FGD6: variants seen among roughly 807,000 people sequenced by gnomAD.
FGD6 encodes the protein FYVE, RhoGEF and PH domain containing 6, also known as FYVE, RhoGEF and PH domain-containing protein 6.
In FGD6, 90 loss-of-function variants were observed where a neutral mutation model predicts 149.4. That is an observed-to-expected ratio of 0.60 (90% CI 0.51 to 0.72). The LOEUF (loss-of-function observed/expected upper bound fraction) is 0.72. FGD6 is among the 30% of genes least tolerant of loss of function. The pLI, the probability that FGD6 is intolerant of heterozygous loss-of-function variation, is 0.00. For synonymous variants in FGD6, 527 were observed against 584.0 expected (o/e 0.90, Z 1.41); for missense variants, 1,437 against 1,684.8 (o/e 0.85, Z 2.57).
In FGD6 at chr12:95,121,812, C is replaced by A. The variant is rs1250483792; in HGVS notation, c.3083-8111G>T. ...CTGGGACGACAGATGTGTGTCACAA[C>A]GCCCAGCTAATTTTTGTACTTTTAG... On this transcript the variant is annotated intron_variant, in intron 8 of 20. Transcript: ENST00000343958. 2.0e-5 allele frequency among the ~76,000 whole-genome samples: 3 copies of A among 151,982 alleles called. No homozygotes were observed. The East Asian group carries it at 5.8e-4, about 29-fold the overall frequency.
At position 95,132,446 on chromosome 12, in the gene FGD6, G is replaced by T. The variant is rs116787940; in HGVS notation, c.3082+2293C>A. Among the ~76,000 whole-genome samples, 111 of 152,278 alleles carry T rather than the reference G, an allele frequency of 7.3e-4. 1 individual carries two copies. The highest frequency in any genetic ancestry group is 2.6e-3 in the African/African-American group (107 of 41,562). ...CTTTTTACTACTTAGAACAGTCGTA[G>T]TGTGTAAAATAAAATAAATAATATG... is the stretch of plus-strand genomic sequence containing the variant. On this transcript the variant is annotated intron_variant, in intron 8 of 20. Coordinates refer to ENST00000343958, the MANE Select transcript of FGD6 (RefSeq NM_018351.4).
In FGD6 at chr12:95,078,675, G is replaced by A. The variant is rs535531131; in HGVS notation, c.*2845C>T. On this transcript the variant is annotated 3_prime_UTR_variant, in exon 21 of 21. Coordinates refer to ENST00000343958, the MANE Select transcript of FGD6 (RefSeq NM_018351.4). ...AAGGGAAAAGAGATTGGAAAGAGTC[G>A]GAAATGTGGATGATGCCAGAGATAA... 81 of 152,266 alleles carry A rather than the reference G, an allele frequency of 5.3e-4. No homozygotes were observed. The highest frequency in any genetic ancestry group is 1.8e-3 in the African/African-American group (75 of 41,554). 9.4% of individuals were successfully genotyped at this position (152,266 alleles called of 1,614,324 possible).
intron 3 of FGD6, among the ~76,000 whole-genome samples, chr12:95,170,702 A>T (rs1304528505): frequency 6.6e-6 from 1 of 152,200 alleles, no homozygotes; most frequent in African/African-American, 2.4e-5. Context: ...TATCTCTAGT[A>T]AATACCAGTG....
intron 3 of FGD6, among the ~76,000 whole-genome samples, chr12:95,162,402 C>T (rs1174462549): frequency 2.0e-5 from 3 of 152,128 alleles, no homozygotes; most frequent in African/African-American, 7.2e-5. Context: ...TGGTGCATAC[C>T]TGTAGTCCCA....
chr12:95,106,203 T>C (rs919993720), intron 13 of FGD6, among the ~76,000 whole-genome samples: 1 of 152,098 alleles, frequency 6.6e-6, no homozygotes, highest in Middle Eastern at 3.4e-3. Context: ...CTCAAGTTAT[T>C]ATCCTGCCTC....
chr12:95,089,545 T>C, intron 18 of FGD6, 24 bp downstream of exon 18: 1 of 1,611,134 alleles, frequency 6.2e-7, no homozygotes, highest in South Asian at 1.1e-5. Flanking sequence ...TCTATCACAT[T>C]GCAAATTTAA....
intron 3 of FGD6, among the ~76,000 whole-genome samples, chr12:95,167,963 A>C (rs919320587): frequency 6.6e-6 from 1 of 152,178 alleles, no homozygotes; most frequent in Non-Finnish European, 1.5e-5. Flanking sequence ...AAGGGGGTCC[A>C]ATGTCATCCT....
chr12:95,147,666 C>T lies in FGD6; in HGVS notation c.2685+5145G>A, dbSNP rs907057511. Among the ~76,000 whole-genome samples, 3 of 152,120 alleles carry T rather than the reference C, an allele frequency of 2.0e-5. No individual in the cohort carries two copies. The East Asian group carries it at 5.8e-4, about 29-fold the overall frequency. ...ACTAAGTACAAGGGCTCAGACAGAC[C>T]AGACTTGAAAGTCTGGTTTTCCTAT... On this transcript the variant is annotated intron_variant, in intron 5 of 20. Coordinates refer to ENST00000343958, the MANE Select transcript of FGD6 (RefSeq NM_018351.4).
chr12:95,104,954 A>C (rs139166559), intron 14 of FGD6, 53 bp downstream of exon 14: 100 of 1,487,366 alleles, frequency 6.7e-5, no homozygotes, highest in Non-Finnish European at 8.4e-5. Flanking sequence ...ATTCCCTAGC[A>C]AGCAGACTCA....
chr12:95,142,922 G>A (rs1461360415), intron 5 of FGD6, among the ~76,000 whole-genome samples: 3 of 151,990 alleles, frequency 2.0e-5, no homozygotes, highest in Non-Finnish European at 4.4e-5. Flanking sequence ...CAATATCACC[G>A]CACCCTATTA....
At chr12:95,090,416 G>T (rs61938190) in intron 17 of FGD6, among the ~76,000 whole-genome samples, 17,810 of 152,130 alleles carry the variant, frequency 0.12, 1,623 homozygotes, top group African/African-American at 0.25. Flanking sequence ...TAAGGAGAAA[G>T]GACTAACAGC....
chr12:95,084,849 C>T (rs1470785850), intron 19 of FGD6, among the ~76,000 whole-genome samples: 4 of 152,256 alleles, frequency 2.6e-5, no homozygotes, highest in Admixed American at 2.6e-4. Flanking sequence ...ATGCCAGGCA[C>T]TGTGGCACAC....
intron 6 of FGD6, among the ~76,000 whole-genome samples, chr12:95,139,778 A>G (rs1039573321): frequency 6.6e-6 from 1 of 151,252 alleles, no homozygotes; most frequent in African/African-American, 2.4e-5. Context: ...TTGGGATTAC[A>G]GGCATCTGCC....
At chr12:95,185,401 TTA>T (rs989540271) in intron 2 of FGD6, among the ~76,000 whole-genome samples, 2 of 152,074 alleles carry the variant, frequency 1.3e-5, no homozygotes, top group African/African-American at 4.8e-5. Flanking sequence ...TCACAAACAT[TTA>T]TCACAGTTTC....
rs1879359813 is a variant in FGD6 at position 95,126,815 on chromosome 12, C to T, written c.3082+7924G>A. Among the ~76,000 whole-genome samples the T allele has an allele frequency of 2.0e-5, 3 of 151,818 alleles. No individual in the cohort carries two copies. The South Asian group carries it at 6.3e-4, about 32-fold the overall frequency. ...TGGTAGTGGGCACCCATAACCCCAA[C>T]TACTTGAGAGGCTTTGGTGGGAGAA... is the stretch of plus-strand genomic sequence containing the variant. On this transcript the variant is annotated intron_variant, in intron 8 of 20. Coordinates refer to ENST00000343958, the MANE Select transcript of FGD6 (RefSeq NM_018351.4).
chr12:95,122,160 T>G (rs542118158), intron 8 of FGD6, among the ~76,000 whole-genome samples: 13 of 152,180 alleles, frequency 8.5e-5, no homozygotes, highest in Non-Finnish European at 1.3e-4. Context: ...AAAATCATTT[T>G]GACAAGTAAC....
At position 95,126,334 on chromosome 12, in the gene FGD6, G is replaced by A. The variant is rs150816617; in HGVS notation, c.3082+8405C>T. On this transcript the variant is annotated intron_variant, in intron 8 of 20. Coordinates refer to ENST00000343958, the MANE Select transcript of FGD6 (RefSeq NM_018351.4). ...GCACCTCCTCCAAAAGCTCAGAAGG[G>A]TCAAAAAGCTCCAGCCCAGAAAGCC... The A allele has an allele frequency of 2.9e-4, 456 of 1,560,558 alleles. 4 individuals carry two copies. In the East Asian group the frequency reaches 7.0e-3, roughly 24 times the overall value.
chr12:95,105,732 T>C (rs1878590978), intron 13 of FGD6, among the ~76,000 whole-genome samples: 1 of 152,202 alleles, frequency 6.6e-6, no homozygotes, highest in African/African-American at 2.4e-5. Context: ...AATAATCAAA[T>C]GCATAAACAG....
rs1878654420 is a variant in FGD6 at position 95,107,113 on chromosome 12, T to A, written c.3334-76A>T. ...ACAAAGATTTTGACAAGATACAAGATTAAAGGATAAATAATACCTCTTTGC... is the reference window on the plus strand; with the variant it reads ...ACAAAGATTTTGACAAGATACAAGAATAAAGGATAAATAATACCTCTTTGC... On this transcript the variant is annotated intron_variant, in intron 12 of 20. Transcript: ENST00000343958. 3.2e-5 allele frequency: 34 copies of A among 1,075,292 alleles called. No homozygotes were observed. In the South Asian group the frequency reaches 4.3e-4, roughly 13 times the overall value. 66.6% of individuals were successfully genotyped at this position (1,075,292 alleles called of 1,614,324 possible).
Sources: allele counts gnomAD v4.1 joint callset (sites outside exome capture counted in the v4.1 genomes callset), GRCh38; gene constraint gnomAD v4.1.1; transcripts MANE v1.5; gene names NCBI Gene and HGNC (gene_info 2026-07-23, HGNC 2026-07-21).